Variants in TRAF5 observed in about 807,000 individuals in gnomAD.
The protein encoded by TRAF5 is TNF receptor-associated factor 5.
A neutral mutation model predicts 64.5 loss-of-function variants in TRAF5; 48 were observed. The observed-to-expected ratio is 0.74, with a 90% CI of 0.59 to 0.95. TRAF5 has a LOEUF of 0.95. Among genes scored for constraint, TRAF5 ranks in the 40% least tolerant of loss-of-function variants. The pLI is 0.00. For synonymous variants in TRAF5, 206 were observed against 240.5 expected (o/e 0.86, Z 1.33); for missense variants, 545 against 662.8 (o/e 0.82, Z 1.95).
chr1:211,352,256 A>C (rs564029274), intron 1 of TRAF5, among the ~76,000 whole-genome samples: 14 of 152,042 alleles, frequency 9.2e-5, no homozygotes, highest in African/African-American at 3.4e-4. Flanking sequence ...AGTAGGCAAA[A>C]TGAGAGAGAG....
chr1:211,331,280 CCTT>C (rs1702149981), intron 1 of TRAF5, among the ~76,000 whole-genome samples: 1 of 152,338 alleles, frequency 6.6e-6, no homozygotes, highest in East Asian at 1.9e-4. Flanking sequence ...CTAGTCAAAA[CCTT>C]CTACTTTCAA....
At chr1:211,351,679 T>A (rs1001288874) in intron 1 of TRAF5, among the ~76,000 whole-genome samples, 1 of 152,140 alleles carries the variant, frequency 6.6e-6, no homozygotes, top group African/African-American at 2.4e-5. Flanking sequence ...CGTTTTCTGA[T>A]GTGATGTCCA....
intron 1 of TRAF5, among the ~76,000 whole-genome samples, chr1:211,350,222 T>G (rs35711226): frequency 6.6e-6 from 1 of 151,044 alleles, no homozygotes; most frequent in Admixed American, 6.6e-5. Context: ...TTCTTTCTTT[T>G]TTTTTTTTGA....
At chr1:211,352,172 T>C (rs866259458) in intron 1 of TRAF5, among the ~76,000 whole-genome samples, 1 of 152,022 alleles carries the variant, frequency 6.6e-6, no homozygotes, top group Admixed American at 6.6e-5. Flanking sequence ...GGACTTACAG[T>C]TCCATGTGGC....
At chr1:211,365,240 AC>A in intron 7 of TRAF5, 135 bp from the exon 8 acceptor site, 1 of 647,540 alleles carries the variant, frequency 1.5e-6, no homozygotes, top group Non-Finnish European at 2.6e-6. Flanking sequence ...CCTGCAACCC[AC>A]CTAGAGACTG....
chr1:211,331,951 G>GC (rs2102708583), intron 1 of TRAF5, among the ~76,000 whole-genome samples: 1 of 152,340 alleles, frequency 6.6e-6, no homozygotes, highest in South Asian at 2.1e-4. Context: ...ACAGGTGTGA[G>GC]CCACTGCACC....
At chr1:211,355,934 T>G (rs1203970835) in intron 3 of TRAF5, among the ~76,000 whole-genome samples, 1 of 152,250 alleles carries the variant, frequency 6.6e-6, no homozygotes, top group Admixed American at 6.5e-5. Context: ...ATGTGGACTA[T>G]CTGACCCCTT....
chr1:211,347,415 T>C (rs1405239523), intron 1 of TRAF5, among the ~76,000 whole-genome samples: 2 of 152,194 alleles, frequency 1.3e-5, no homozygotes, highest in Non-Finnish European at 2.9e-5. Context: ...TACTAGAACC[T>C]CACCCAGAAA....
chr1:211,339,716 G>A (rs768067851), intron 1 of TRAF5, among the ~76,000 whole-genome samples: 2 of 152,144 alleles, frequency 1.3e-5, no homozygotes, highest in African/African-American at 2.4e-5. Flanking sequence ...CAGGGCACCT[G>A]GGGTGTGCCT....
intron 1 of TRAF5, among the ~76,000 whole-genome samples, chr1:211,335,836 G>GAC (rs1702275231): frequency 6.6e-6 from 1 of 152,218 alleles, no homozygotes; most frequent in Non-Finnish European, 1.5e-5. Context: ...AGGAGAGGTG[G>GAC]AGGACAGGTG....
At chr1:211,329,705 G>T (rs1702108427) in intron 1 of TRAF5, among the ~76,000 whole-genome samples, 1 of 152,184 alleles carries the variant, frequency 6.6e-6, no homozygotes, top group Non-Finnish European at 1.5e-5. Context: ...GTCTGACTCA[G>T]TCTCTGAAGA....
At chr1:211,338,033 TAGAAG>T (rs1702349950) in intron 1 of TRAF5, among the ~76,000 whole-genome samples, 1 of 152,058 alleles carries the variant, frequency 6.6e-6, no homozygotes, top group Non-Finnish European at 1.5e-5. Flanking sequence ...TGAGTGCAGA[TAGAAG>T]AGAGCAGGTC....
intron 2 of TRAF5, 200 bp downstream of exon 2, chr1:211,353,657 A>T: frequency 1.7e-6 from 1 of 602,844 alleles, no homozygotes; most frequent in Non-Finnish European, 2.9e-6. Flanking sequence ...ACAGATATTT[A>T]CCTTTTCTTA....
chr1:211,363,485 T>G (rs554760745), intron 7 of TRAF5, among the ~76,000 whole-genome samples: 92 of 152,260 alleles, frequency 6.0e-4, no homozygotes, highest in African/African-American at 2.1e-3. Context: ...GGAAAGTGGG[T>G]GTGGAGATGG....
chr1:211,332,740 T>C lies in TRAF5; in HGVS notation c.-2+5851T>C, dbSNP rs1365824368. ...GGAGTGAGGGGGTAGATAGGAGAAA[T>C]GGAGGGGGAATATTGGACTTGAGCA... is the stretch of plus-strand genomic sequence containing the variant. On this transcript the variant is annotated intron_variant, in intron 1 of 10. Transcript: ENST00000261464. 2.0e-5 allele frequency among the ~76,000 whole-genome samples: 3 copies of C among 151,854 alleles called. No homozygotes were observed. The East Asian group carries it at 5.8e-4, about 29-fold the overall frequency.
intron 1 of TRAF5, among the ~76,000 whole-genome samples, chr1:211,338,569 A>T (rs988209334): frequency 5.3e-5 from 8 of 152,182 alleles, no homozygotes; most frequent in Admixed American, 1.3e-4. Context: ...GTGTGATAAT[A>T]ATTTACGTGG....
chr1:211,350,537 G>A (rs1395756495), intron 1 of TRAF5, among the ~76,000 whole-genome samples: 1 of 152,164 alleles, frequency 6.6e-6, no homozygotes. Flanking sequence ...CAGAACCTGG[G>A]AAGCCACTAA....
intron 9 of TRAF5, 149 bp downstream of exon 9, chr1:211,369,741 C>T: frequency 3.3e-6 from 3 of 911,622 alleles, no homozygotes; most frequent in East Asian, 5.7e-5. Context: ...ATAACCTCCA[C>T]CCTGATTCAC....
chr1:211,359,859 T>A (rs1388642703), intron 4 of TRAF5, 53 bp from the exon 5 acceptor site: 1 of 1,608,858 alleles, frequency 6.2e-7, no homozygotes, highest in Admixed American at 1.7e-5. Flanking sequence ...AGCTGACTTC[T>A]TTCCTACCAC....
Sources: gnomAD v4.1 joint callset for allele counts (sites outside exome capture counted in the v4.1 genomes callset) on GRCh38, gnomAD v4.1.1 for gene constraint, MANE v1.5 for transcripts, NCBI Gene and HGNC (gene_info 2026-07-23, HGNC 2026-07-21) for gene names.